The following MAP3K9 variants were observed in gnomAD, a reference collection of about 807,000 sequenced individuals.
The protein encoded by MAP3K9 is mixed lineage kinase 1 (tyr and ser/thr specificity).
Under a neutral mutation model 95.8 loss-of-function variants are expected in MAP3K9, and 46 were observed. The ratio of observed to expected loss-of-function variants is 0.48; its 90% confidence interval spans 0.38 to 0.61. The LOEUF is 0.61. MAP3K9 is among the 20% of genes least tolerant of loss of function. MAP3K9 has a pLI of 0.00. For missense variants in MAP3K9, 1,296 were observed against 1,474.3 expected (o/e 0.88, Z 1.98); for synonymous variants, 533 against 593.8 (o/e 0.90, Z 1.49).
intron 2 of MAP3K9, among the ~76,000 whole-genome samples, chr14:70,787,234 C>T (rs1238246169): frequency 4.6e-5 from 7 of 151,998 alleles, no homozygotes; most frequent in Non-Finnish European, 7.4e-5. Context: ...ACTGGCTGGG[C>T]GCAGTGGCTC....
rs920986289 is a variant in MAP3K9, at chr14:70,729,546, A to C, written c.*834T>G. 6.6e-6 allele frequency: 1 copy of C among 152,224 alleles called. No homozygotes were observed. The highest frequency in any genetic ancestry group is 1.5e-5 in the Non-Finnish European group (1 of 68,048). 9.4% of individuals were successfully genotyped at this position (152,224 alleles called of 1,614,324 possible). A position where few individuals can be genotyped will look rare whatever the true frequency, so the allele number is the denominator to read the frequency against. ...ATTCCTGGGATGAGCAGATGATTGT[A>C]TCCGAACCTGGTCTGACGAGGTCCT... is the stretch of plus-strand genomic sequence containing the variant. On this transcript the variant is annotated 3_prime_UTR_variant, in exon 12 of 12. Transcript: ENST00000554752.
intron 1 of MAP3K9, among the ~76,000 whole-genome samples, chr14:70,804,482 G>A (rs1474929989): frequency 6.6e-6 from 1 of 152,150 alleles, no homozygotes; most frequent in Non-Finnish European, 1.5e-5. Context: ...TTTTCTAGCA[G>A]CTTTTACACA....
chr14:70,771,230 G>A (rs2054528163), intron 2 of MAP3K9, among the ~76,000 whole-genome samples: 1 of 152,160 alleles, frequency 6.6e-6, no homozygotes, highest in Admixed American at 6.5e-5. Flanking sequence ...AAAGGTAGCT[G>A]TAGCATTTCA....
chr14:70,789,677 T>G (rs2054785994), intron 2 of MAP3K9, among the ~76,000 whole-genome samples: 1 of 152,156 alleles, frequency 6.6e-6, no homozygotes, highest in African/African-American at 2.4e-5. Context: ...ACCACGGTGG[T>G]TCCCAAAACC....
chr14:70,732,843 C>G lies in MAP3K9; in HGVS notation c.2526G>C (p.Glu842Asp). 1 of 1,613,918 alleles carries G rather than the reference C, an allele frequency of 6.2e-7. No individual in the cohort carries two copies. Among genetic ancestry groups the G allele is most frequent in the Non-Finnish European group, 8.5e-7 (1 of 1,179,928 alleles). The change falls in exon 11 of 12, where the codon GAG (glutamate) becomes GAC (aspartate). Residue 842 changes from glutamate (E) to aspartate (D), a missense_variant. Glu to Asp is a conservative substitution (Grantham distance 45). Around this residue, in one of 5 missense-constraint regions of MAP3K9, gnomAD observed 433 missense variants for 441.4 expected, o/e 0.98. Transcript: ENST00000554752. ...GCAGCAGGGAGCGTGTGGAGTTGCACTCGGAGATGGAGGAGAGGGAGAGCA... is the reference window on the plus strand; with the variant it reads ...GCAGCAGGGAGCGTGTGGAGTTGCAGTCGGAGATGGAGGAGAGGGAGAGCA... ...LTLLSLSSISECNSTRSLLRS... is the reference protein window; with the variant it reads ...LTLLSLSSISDCNSTRSLLRS...
chr14:70,809,295 C>T lies in MAP3K9; in HGVS notation c.-124G>A. ...CAACGACGGCGGCCGCAGGTAGGGC[C>T]CGGGCTGGCAGGGCTGGGAGAGCCG... On this transcript the variant is annotated 5_prime_UTR_variant, in exon 1 of 12. Transcript: ENST00000554752. 1 of 1,197,670 alleles carries T rather than the reference C, an allele frequency of 8.3e-7. No homozygotes were observed. The highest frequency in any genetic ancestry group is 1.0e-6 in the Non-Finnish European group (1 of 953,302). The allele number at this position is 1,197,670 out of a possible 1,614,324, so 74.2% of individuals were successfully genotyped here.
At chr14:70,732,357 C>A (rs143862589) in intron 11 of MAP3K9, among the ~76,000 whole-genome samples, 182 bp downstream of exon 11, 260 of 152,256 alleles carry the variant, frequency 1.7e-3, no homozygotes, top group African/African-American at 5.7e-3. Flanking sequence ...AGGCACAGGT[C>A]AGAGAAAAGT....
intron 5 of MAP3K9, among the ~76,000 whole-genome samples, chr14:70,746,502 A>G (rs950069232): frequency 3.3e-5 from 5 of 152,240 alleles, no homozygotes. Context: ...TTACCAAACA[A>G]CAAGCCTTAT....
intron 1 of MAP3K9, among the ~76,000 whole-genome samples, chr14:70,805,216 T>G (rs942743689): frequency 6.6e-6 from 1 of 152,248 alleles, no homozygotes; most frequent in African/African-American, 2.4e-5. Flanking sequence ...TTGGTGGGTT[T>G]TGAGTAAGTG....
At chr14:70,752,532 C>T (rs762724463) in intron 3 of MAP3K9, among the ~76,000 whole-genome samples, 19 of 152,152 alleles carry the variant, frequency 1.2e-4, no homozygotes, top group Non-Finnish European at 2.5e-4. Context: ...AGTGGTCATG[C>T]TGGGGAGCTT....
At chr14:70,771,033 G>C (rs2054525028) in intron 2 of MAP3K9, among the ~76,000 whole-genome samples, 1 of 151,416 alleles carries the variant, frequency 6.6e-6, no homozygotes, top group African/African-American at 2.4e-5. Context: ...AGGAGATTCT[G>C]TGATATAAAG....
At chr14:70,788,184 A>G (rs1411808055) in intron 2 of MAP3K9, among the ~76,000 whole-genome samples, 1 of 152,214 alleles carries the variant, frequency 6.6e-6, no homozygotes, top group Non-Finnish European at 1.5e-5. Flanking sequence ...TGTATCCACT[A>G]CATTTTGAAT....
chr14:70,748,844 G>T lies in MAP3K9; in HGVS notation c.1311C>A (p.Leu437=). The part of the protein sequence containing the change: ...KHEIQEMFDQ[L]RAKEKELRTW... ...TTTTGTTTACCTTTTCTTTGGCCCTGAGTTGGTCAAACATCTCCTGAATCT... is the reference window on the plus strand; with the variant it reads ...TTTTGTTTACCTTTTCTTTGGCCCTTAGTTGGTCAAACATCTCCTGAATCT... Residue 437 remains leucine, a synonymous_variant, in exon 5 of 12, where the codon CTC becomes CTA. Coordinates refer to ENST00000554752, the MANE Select transcript of MAP3K9 (RefSeq NM_001284230.2). 6.2e-7 allele frequency: 1 copy of T among 1,611,640 alleles called. No individual in the cohort carries two copies. The highest frequency in any genetic ancestry group is 2.2e-5 in the East Asian group (1 of 44,846).
intron 3 of MAP3K9, among the ~76,000 whole-genome samples, chr14:70,755,120 T>G (rs2139767100): frequency 6.6e-6 from 1 of 152,220 alleles, no homozygotes; most frequent in Admixed American, 6.5e-5. Flanking sequence ...TCTGGATGAG[T>G]TCCAGGAGGG....
At chr14:70,773,980 A>G (rs755377933) in intron 2 of MAP3K9, among the ~76,000 whole-genome samples, 2 of 152,232 alleles carry the variant, frequency 1.3e-5, no homozygotes. Flanking sequence ...AGACACAGAC[A>G]TATCAAAATT....
rs183562230 is a variant in MAP3K9, at chr14:70,773,305, C to T, written c.821-12123G>A. On this transcript the variant is annotated intron_variant, in intron 2 of 11. Coordinates refer to ENST00000554752, the MANE Select transcript of MAP3K9 (RefSeq NM_001284230.2). ...AGAAATCTCCAAGTAAGGGTTAAAG[C>T]AGAAGGACAGAGTCAGCAGCAGAAA... Among the ~76,000 whole-genome samples, 699 of 152,282 alleles carry T rather than the reference C, an allele frequency of 4.6e-3. 2 individuals are homozygous for T. Among genetic ancestry groups the T allele is most frequent in the Non-Finnish European group, 8.2e-3 (556 of 68,014 alleles).
intron 3 of MAP3K9, among the ~76,000 whole-genome samples, chr14:70,751,968 C>A (rs2054234901): frequency 6.6e-6 from 1 of 152,200 alleles, no homozygotes; most frequent in Non-Finnish European, 1.5e-5. Flanking sequence ...ATGCCTTCTA[C>A]CATTTCTTTG....
At position 70,733,044 on chromosome 14, in the gene MAP3K9, G is replaced by C; in HGVS notation, c.2325C>G (p.Cys775Trp). 1 of 1,614,172 alleles carries C rather than the reference G, an allele frequency of 6.2e-7. No individual in the cohort carries two copies. Among genetic ancestry groups the C allele is most frequent in the Non-Finnish European group, 8.5e-7 (1 of 1,180,030 alleles). The change falls in exon 11 of 12, where the codon TGC becomes TGG. Residue 775 changes from cysteine to tryptophan, a missense_variant. This residue lies in a region of MAP3K9 where 433 missense variants were observed against 441.4 expected (regional missense o/e 0.98). Coordinates refer to ENST00000554752, the MANE Select transcript of MAP3K9 (RefSeq NM_001284230.2). ...CAGGCTCCTCCAGGGGAAGCAGCTG[G>C]CACTTGCCAGCTTCCAGCAAGTCAA... ...LGFDLLEAGK[C>W]QLLPLEEPEP...
intron 2 of MAP3K9, among the ~76,000 whole-genome samples, chr14:70,776,065 T>C (rs142281304): frequency 0.14 from 21,523 of 152,040 alleles, 2,003 homozygotes; most frequent in East Asian, 0.3. Context: ...GGCGGGCGCC[T>C]GTAATCCCAG....
Sources: allele counts gnomAD v4.1 joint callset (sites outside exome capture counted in the v4.1 genomes callset), GRCh38; gene constraint gnomAD v4.1.1; regional missense constraint gnomAD v4.1.1; transcripts MANE v1.5; gene names NCBI Gene and HGNC (gene_info 2026-07-23, HGNC 2026-07-21).